CRADD: variants seen among roughly 807,000 people sequenced by gnomAD.
CRADD encodes CARD and death domain containing adaptor protein.
A neutral mutation model predicts 15.5 loss-of-function variants in CRADD; 9 were observed. That is an observed-to-expected ratio of 0.58 (90% CI 0.35 to 1.01). CRADD has a LOEUF of 1.01. Ranked by LOEUF, CRADD falls within the 50% of genes least tolerant of loss-of-function variation. The probability of loss-of-function intolerance (pLI) is 0.02; values close to 1 mark genes in which losing one functional copy is unlikely to be tolerated. For missense variants in CRADD, 227 were observed against 250.3 expected (o/e 0.91, Z 0.63); for synonymous variants, 118 against 107.6 (o/e 1.10, Z -0.60).
intron 2 of CRADD, among the ~76,000 whole-genome samples, chr12:93,879,765 C>T (rs1273216853): frequency 1.3e-5 from 2 of 152,148 alleles, no homozygotes; most frequent in Non-Finnish European, 1.5e-5. Flanking sequence ...GCGACTGATC[C>T]TTTACTCAGA....
chr12:93,892,840 T>C (rs1958586068), intron 2 of CRADD, among the ~76,000 whole-genome samples: 1 of 152,184 alleles, frequency 6.6e-6, no homozygotes, highest in Admixed American at 6.5e-5. Flanking sequence ...AAGGAACAGC[T>C]TGATCAAGGT....
At chr12:93,709,377 C>G (rs1956018502) in intron 2 of CRADD, among the ~76,000 whole-genome samples, 1 of 152,070 alleles carries the variant, frequency 6.6e-6, no homozygotes, top group Non-Finnish European at 1.5e-5. Context: ...AGCCCAGTAC[C>G]CAGTAGTTAT....
intron 2 of CRADD, among the ~76,000 whole-genome samples, chr12:93,823,005 C>T (rs1470880297): frequency 6.6e-6 from 1 of 152,130 alleles, no homozygotes; most frequent in Non-Finnish European, 1.5e-5. Context: ...TAAGAATATG[C>T]TCGCATTGGC....
intron 2 of CRADD, among the ~76,000 whole-genome samples, chr12:93,728,147 T>C (rs1956402240): frequency 6.6e-6 from 1 of 152,214 alleles, no homozygotes; most frequent in Admixed American, 6.5e-5. Context: ...AACAGTCACG[T>C]TTGGCTCCTT....
At chr12:93,705,060 C>A (rs1213359398) in intron 2 of CRADD, among the ~76,000 whole-genome samples, 1 of 152,184 alleles carries the variant, frequency 6.6e-6, no homozygotes, top group Non-Finnish European at 1.5e-5. Flanking sequence ...TGGAATTATC[C>A]TCCGCACTTG....
At chr12:93,705,064 G>A (rs952034256) in intron 2 of CRADD, among the ~76,000 whole-genome samples, 6 of 152,118 alleles carry the variant, frequency 3.9e-5, no homozygotes, top group Non-Finnish European at 8.8e-5. Flanking sequence ...ATTATCCTCC[G>A]CACTTGATTG....
At chr12:93,860,481 C>T (rs1193132846) in intron 2 of CRADD, among the ~76,000 whole-genome samples, 1 of 152,162 alleles carries the variant, frequency 6.6e-6, no homozygotes, top group Non-Finnish European at 1.5e-5. Flanking sequence ...TGTAATTTCT[C>T]CCCTTGAGCC....
intron 2 of CRADD, among the ~76,000 whole-genome samples, chr12:93,857,258 A>C (rs186857367): frequency 2.0e-5 from 3 of 152,262 alleles, no homozygotes; most frequent in Non-Finnish European, 2.9e-5. Context: ...GAATATTTGG[A>C]GGAAATATAA....
At chr12:93,859,496 A>G (rs1184724771) in intron 2 of CRADD, 2 of 401,364 alleles carry the variant, frequency 5.0e-6, no homozygotes, top group Non-Finnish European at 5.0e-6. Flanking sequence ...GACAAAATGC[A>G]CTGGACAATT....
chr12:93,677,631 G>C (rs1233081018), intron 1 of CRADD, 159 bp downstream of exon 1: 8 of 152,396 alleles, frequency 5.2e-5, no homozygotes, highest in Non-Finnish European at 1.2e-4. Context: ...CTCTCCCCTT[G>C]GTCCGCTCTT....
chr12:93,703,031 C>T (rs973007137), intron 2 of CRADD, among the ~76,000 whole-genome samples: 18 of 152,158 alleles, frequency 1.2e-4, no homozygotes, highest in Non-Finnish European at 1.9e-4. Flanking sequence ...GCATTTTACA[C>T]CTAATATAGA....
chr12:93,885,107 G>A (rs1414659134), intron 2 of CRADD, among the ~76,000 whole-genome samples: 9 of 152,102 alleles, frequency 5.9e-5, no homozygotes, highest in African/African-American at 9.7e-5. Flanking sequence ...CCTGTTTTTC[G>A]TATAAGGAAA....
rs902141728 is a variant in CRADD, at chr12:93,824,598, G to A, written c.299-25372G>A. Among the ~76,000 whole-genome samples the A allele has an allele frequency of 3.9e-5, 6 of 152,186 alleles. No individual in the cohort carries two copies. The highest frequency in any genetic ancestry group is 1.2e-4 in the African/African-American group (5 of 41,460). The stretch of plus-strand genomic sequence containing the variant: ...AGTTCAGTTTACTTAGGGAACTGTC[G>A]TGTTAACACCGAAGAATGCATTAGA... On this transcript the variant is annotated intron_variant, in intron 2 of 2. Coordinates refer to ENST00000332896, the MANE Select transcript of CRADD (RefSeq NM_003805.5). The surrounding 1 kb of genome is among the most constrained non-coding windows in gnomAD (Gnocchi z 4.3).
chr12:93,699,177 G>A (rs1032317018), intron 2 of CRADD, among the ~76,000 whole-genome samples: 1 of 152,150 alleles, frequency 6.6e-6, no homozygotes, highest in East Asian at 1.9e-4. Flanking sequence ...AAATTGTTTT[G>A]AGAGTCAAAA....
chr12:93,785,889 G>A (rs1957273142), intron 2 of CRADD, among the ~76,000 whole-genome samples: 1 of 152,204 alleles, frequency 6.6e-6, no homozygotes. Context: ...TCGTGTACTT[G>A]ATCTCAGTGA....
At chr12:93,819,795 A>G (rs768078595) in intron 2 of CRADD, among the ~76,000 whole-genome samples, 57 of 152,270 alleles carry the variant, frequency 3.7e-4, no homozygotes, top group South Asian at 1.0e-3. Flanking sequence ...TCTTCAGTAT[A>G]TAGACTAACT....
downstream of CRADD, among the ~76,000 whole-genome samples, chr12:93,855,713 A>G (rs144498796): frequency 1.4e-4 from 22 of 152,378 alleles, no homozygotes; most frequent in African/African-American, 5.3e-4. Flanking sequence ...CTATGGTCAC[A>G]GTGAGGATTC....
chr12:93,849,091 C>T (rs918441727), intron 2 of CRADD: 3 of 152,180 alleles, frequency 2.0e-5, no homozygotes, highest in South Asian at 2.1e-4. Flanking sequence ...CACGTTTTCT[C>T]GGTAATATTT....
intron 2 of CRADD, among the ~76,000 whole-genome samples, chr12:93,720,067 A>C (rs1323826543): frequency 6.6e-6 from 1 of 152,044 alleles, no homozygotes; most frequent in Non-Finnish European, 1.5e-5. Flanking sequence ...TAATTTTTGC[A>C]TCCAAATCCT....
Sources: gnomAD v4.1 joint callset for allele counts (sites outside exome capture counted in the v4.1 genomes callset) on GRCh38, gnomAD v4.1.1 for gene constraint, Gnocchi (gnomAD v3.1) non-coding constraint, MANE v1.5 for transcripts, NCBI Gene and HGNC (gene_info 2026-07-23, HGNC 2026-07-21) for gene names.